The following CA10 variants were observed in gnomAD, a reference collection of about 807,000 sequenced individuals.
The protein encoded by CA10 is carbonic anhydrase-related protein 10.
Under a neutral mutation model 44.2 loss-of-function variants are expected in CA10, and 14 were observed. That is an observed-to-expected ratio of 0.32 (90% confidence interval 0.21 to 0.50). CA10 has a LOEUF of 0.50. CA10 is among the 20% of genes least tolerant of loss of function. The pLI is 0.99. For synonymous variants in CA10, 159 were observed against 141.6 expected (o/e 1.12, Z -0.87); for missense variants, 350 against 409.7 (o/e 0.85, Z 1.26).
intron 2 of CA10, among the ~76,000 whole-genome samples, chr17:51,986,413 CA>C (rs1473791599): frequency 1.3e-5 from 2 of 151,966 alleles, no homozygotes; most frequent in Non-Finnish European, 2.9e-5. Context: ...CAGAAGATAA[CA>C]TCAGAGAAAT....
intron 3 of CA10, among the ~76,000 whole-genome samples, chr17:51,890,597 T>C (rs1980813257): frequency 2.0e-5 from 3 of 152,180 alleles, no homozygotes; most frequent in Non-Finnish European, 2.9e-5. Flanking sequence ...CTTTGAGAAG[T>C]AGTCAGGGTA....
rs61631215 is a variant in CA10 at position 51,765,691 on chromosome 17, CTGTGTG to C, written c.280-17879_280-17874del. On this transcript the variant is annotated intron_variant, in intron 3 of 8. Transcript: ENST00000451037. ...GAGAGCTTGCAAGGCAGGCAGCTCC[CTGTGTG>C]TGTGTGTGTGTGTGTGTGTGTGTGT... is the stretch of plus-strand genomic sequence containing the variant. Among the ~76,000 whole-genome samples, 477 of 140,280 alleles carry C rather than the reference CTGTGTG, an allele frequency of 3.4e-3. 4 individuals carry two copies. The highest frequency in any genetic ancestry group is 7.1e-3 in the Middle Eastern group (2 of 282). 92.0% of individuals were successfully genotyped at this position (140,280 alleles called of 152,430 possible).
intron 2 of CA10, among the ~76,000 whole-genome samples, chr17:52,030,070 C>T (rs1003076967): frequency 2.0e-5 from 3 of 152,148 alleles, no homozygotes; most frequent in African/African-American, 7.2e-5. Context: ...AAATTGAGTC[C>T]ACCAGGGATG....
chr17:51,812,089 G>T (rs1231042746), intron 3 of CA10, among the ~76,000 whole-genome samples: 1 of 152,186 alleles, frequency 6.6e-6, no homozygotes, highest in Non-Finnish European at 1.5e-5. Flanking sequence ...TTGTCTGGAA[G>T]GCAATGGCAC....
chr17:51,798,710 C>T (rs542907652), intron 3 of CA10, among the ~76,000 whole-genome samples: 17 of 152,266 alleles, frequency 1.1e-4, no homozygotes, highest in Admixed American at 9.8e-4. Context: ...ACCCAAAAGG[C>T]CTCAAGGAAA....
chr17:51,686,575 C>A (rs1418567134), intron 4 of CA10, among the ~76,000 whole-genome samples: 1 of 152,042 alleles, frequency 6.6e-6, no homozygotes, highest in Non-Finnish European at 1.5e-5. Flanking sequence ...AATGTCTACA[C>A]CCTAGATGAA....
Position 52,105,609 on chromosome 17 carries a change from A to T in CA10, c.62-33216T>A, listed in dbSNP as rs546281323. Among the ~76,000 whole-genome samples, 4 of 152,332 alleles carry T rather than the reference A, an allele frequency of 2.6e-5. No individual in the cohort carries two copies. In the South Asian group the frequency reaches 8.3e-4, roughly 32 times the overall value. ...AAGGTTCTTACCCGCTTCTTCACCTACAAAATGACAATAATAACAGTACCT... is the reference window on the plus strand; with the variant it reads ...AAGGTTCTTACCCGCTTCTTCACCTTCAAAATGACAATAATAACAGTACCT... On this transcript the variant is annotated intron_variant, in intron 1 of 8. Transcript: ENST00000451037.
At chr17:51,643,130 C>T (rs2188314) in intron 6 of CA10, among the ~76,000 whole-genome samples, 36,094 of 152,050 alleles carry the variant, frequency 0.24, 4,359 homozygotes, top group East Asian at 0.36. Flanking sequence ...AGCCTCTTTG[C>T]ACTTCATTGG....
chr17:52,145,639 GAT>G (rs1056495300), intron 1 of CA10, among the ~76,000 whole-genome samples: 1 of 152,150 alleles, frequency 6.6e-6, no homozygotes, highest in Non-Finnish European at 1.5e-5. Flanking sequence ...TCCTGTCTCT[GAT>G]CTAACTTGTT....
At chr17:52,121,166 A>G (rs1989007264) in intron 1 of CA10, among the ~76,000 whole-genome samples, 1 of 152,188 alleles carries the variant, frequency 6.6e-6, no homozygotes, top group South Asian at 2.1e-4. Context: ...CATATAGCAG[A>G]TAGCCTCAAA....
intron 6 of CA10, among the ~76,000 whole-genome samples, chr17:51,636,855 A>G (rs1567783321): frequency 6.6e-6 from 1 of 150,728 alleles, no homozygotes; most frequent in Non-Finnish European, 1.5e-5. Flanking sequence ...CTTTTCTCTT[A>G]CACCAATTTG....
chr17:51,767,424 A>G (rs1380157532), intron 3 of CA10, among the ~76,000 whole-genome samples: 1 of 152,222 alleles, frequency 6.6e-6, no homozygotes, highest in Non-Finnish European at 1.5e-5. Flanking sequence ...ATTTCCATAT[A>G]TCCCTCACCC....
At chr17:51,672,891 C>T (rs17696729) in intron 4 of CA10, among the ~76,000 whole-genome samples, 25,545 of 152,178 alleles carry the variant, frequency 0.17, 2,851 homozygotes, top group Non-Finnish European at 0.23. Context: ...GCTCTGGCTG[C>T]TTTCTAGTGG....
chr17:52,088,672 G>T (rs1200323345), intron 1 of CA10, among the ~76,000 whole-genome samples: 3 of 152,154 alleles, frequency 2.0e-5, no homozygotes, highest in Non-Finnish European at 4.4e-5. Flanking sequence ...AAAGGAAAAT[G>T]CACTTCAAAA....
At chr17:51,882,376 C>A (rs1980414730) in intron 3 of CA10, among the ~76,000 whole-genome samples, 2 of 152,108 alleles carry the variant, frequency 1.3e-5, no homozygotes, top group African/African-American at 2.4e-5. Context: ...TCCAGGATCT[C>A]CCACTTGAGA....
chr17:52,107,181 C>A (rs1055612853), intron 1 of CA10, among the ~76,000 whole-genome samples: 3 of 152,108 alleles, frequency 2.0e-5, no homozygotes, highest in Non-Finnish European at 2.9e-5. Context: ...CAAGCTGGGG[C>A]GGTAGGGACT....
At chr17:51,638,967 G>C (rs895018891) in intron 6 of CA10, among the ~76,000 whole-genome samples, 1 of 152,146 alleles carries the variant, frequency 6.6e-6, no homozygotes, top group Admixed American at 6.5e-5. Context: ...TGTGGAGATG[G>C]AAGGGGAGGG....
At chr17:52,002,660 G>A (rs1444553859) in intron 2 of CA10, among the ~76,000 whole-genome samples, 2 of 151,870 alleles carry the variant, frequency 1.3e-5, no homozygotes, top group Non-Finnish European at 1.5e-5. Flanking sequence ...TTCATGTAGG[G>A]AGAAGGAATC....
intron 2 of CA10, among the ~76,000 whole-genome samples, chr17:52,048,054 A>C (rs1260839690): frequency 1.3e-5 from 2 of 151,698 alleles, no homozygotes; most frequent in East Asian, 2.0e-4. Context: ...TAAAAAAAAA[A>C]AAAACATTTG....
Sources: gnomAD v4.1 joint callset for allele counts (sites outside exome capture counted in the v4.1 genomes callset) on GRCh38, gnomAD v4.1.1 for gene constraint, MANE v1.5 for transcripts, NCBI Gene and HGNC (gene_info 2026-07-23, HGNC 2026-07-21) for gene names.